Variants in MCC observed in about 807,000 individuals in gnomAD.
MCC encodes colorectal mutant cancer protein.
In MCC, 90 loss-of-function variants were observed where a neutral mutation model predicts 116.2. The ratio of observed to expected loss-of-function variants is 0.77; its 90% confidence interval spans 0.65 to 0.92. The LOEUF (loss-of-function observed/expected upper bound fraction) is 0.92. Among genes scored for constraint, MCC ranks in the 40% least tolerant of loss-of-function variants. The pLI is 0.00. For synonymous variants in MCC, 578 were observed against 510.5 expected, an observed-to-expected ratio of 1.13 and a Z score of -1.78; for missense variants, 1,516 against 1,312.2, an observed-to-expected ratio of 1.16 and a Z score of -2.40.
chr5:113,113,583 G>T (rs1207950578), intron 6 of MCC, among the ~76,000 whole-genome samples: 1 of 136,984 alleles, frequency 7.3e-6, no homozygotes, highest in Admixed American at 8.3e-5. Context: ...ACCTATAATG[G>T]ACAAACTGAC....
intron 8 of MCC, 125 bp downstream of exon 8, chr5:113,101,614 A>G (rs1561810909): frequency 5.7e-5 from 52 of 911,320 alleles, no homozygotes; most frequent in Non-Finnish European, 8.7e-5. Context: ...ATAACAGGAA[A>G]GAGACAGTGA....
intron 4 of MCC, among the ~76,000 whole-genome samples, chr5:113,146,999 T>C (rs1006218886): frequency 4.6e-5 from 7 of 152,204 alleles, no homozygotes; most frequent in African/African-American, 1.2e-4. Context: ...AACTACAGAC[T>C]TTCAGTTTGA....
rs147127694 is a variant in MCC at position 113,105,956 on chromosome 5, A to G, written c.1028-1601T>C. 1.4e-3 allele frequency among the ~76,000 whole-genome samples: 213 copies of G among 152,272 alleles called. 1 individual carries two copies. The highest frequency in any genetic ancestry group is 4.8e-3 in the African/African-American group (200 of 41,546). On this transcript the variant is annotated intron_variant, in intron 6 of 18. Transcript: ENST00000408903. Reference sequence around the variant, plus strand: ...TGTCCCTGGGGAGCTTTTATAAACTACGGATGCCCAGGCCCCACCCCAGAC... The same window carrying G: ...TGTCCCTGGGGAGCTTTTATAAACTGCGGATGCCCAGGCCCCACCCCAGAC...
At chr5:113,227,183 CATA>C (rs925282679) in intron 3 of MCC, among the ~76,000 whole-genome samples, 1 of 152,124 alleles carries the variant, frequency 6.6e-6, no homozygotes, top group African/African-American at 2.4e-5. Flanking sequence ...AAAAATTGCC[CATA>C]ATATTTCTCT....
At chr5:113,441,344 A>G (rs942151905) in intron 1 of MCC, among the ~76,000 whole-genome samples, 27 of 152,164 alleles carry the variant, frequency 1.8e-4, no homozygotes, top group Admixed American at 1.4e-3. Flanking sequence ...GTCTCAAAAC[A>G]AAACAAAACA....
intron 2 of MCC, among the ~76,000 whole-genome samples, chr5:113,376,911 C>T (rs1371574780): frequency 6.6e-6 from 1 of 152,070 alleles, no homozygotes; most frequent in Non-Finnish European, 1.5e-5. Context: ...AGATATATGA[C>T]CCAAGAAGAG....
intron 3 of MCC, among the ~76,000 whole-genome samples, chr5:113,188,151 A>G (rs961152544): frequency 6.6e-6 from 1 of 152,212 alleles, no homozygotes; most frequent in Non-Finnish European, 1.5e-5. Flanking sequence ...AACAACGAAT[A>G]TAGCCTATAT....
intron 18 of MCC, 65 bp from the exon 19 acceptor site, chr5:113,027,547 G>T (rs1750643996): frequency 7.0e-7 from 1 of 1,424,928 alleles, no homozygotes. Context: ...ACACCATCCT[G>T]TCCACTGGAT....
In MCC at chr5:113,024,835, T is replaced by G. The variant is rs1235661012; in HGVS notation, c.*2467A>C. On this transcript the variant is annotated 3_prime_UTR_variant, in exon 19 of 19. Transcript: ENST00000408903. ...CAAGGATTGTGTCTTGGGGAGTATT[T>G]GAAAAATACAAGAAAAGGAAAAACT... The G allele has an allele frequency of 6.6e-6, 1 of 152,198 alleles. No individual in the cohort carries two copies. The highest frequency in any genetic ancestry group is 2.4e-5 in the African/African-American group (1 of 41,444). 9.4% of individuals were successfully genotyped at this position (152,198 alleles called of 1,614,324 possible).
At chr5:113,299,292 C>CAAAAAAAAAAAAAAAAAAAAAAA (rs58372049) in intron 3 of MCC, among the ~76,000 whole-genome samples, 1 of 52,062 alleles carries the variant, frequency 1.9e-5, no homozygotes, top group Non-Finnish European at 3.9e-5. Context: ...GACTCCGTCT[C>CAAAAAAAAAAAAAAAAAAAAAAA]AAAAAAAAAA....
intron 2 of MCC, among the ~76,000 whole-genome samples, chr5:113,378,271 T>C (rs1329338728): frequency 6.6e-6 from 1 of 152,202 alleles, no homozygotes; most frequent in African/African-American, 2.4e-5. Context: ...TTTGAGTTCC[T>C]ATTAGAGAAA....
At chr5:113,332,444 T>A (rs1767721535) in intron 3 of MCC, among the ~76,000 whole-genome samples, 1 of 151,250 alleles carries the variant, frequency 6.6e-6, no homozygotes, top group Admixed American at 6.6e-5. Context: ...GGACAGTGAC[T>A]TACGCCTATA....
At chr5:113,227,166 G>C (rs1339762640) in intron 3 of MCC, among the ~76,000 whole-genome samples, 1 of 152,136 alleles carries the variant, frequency 6.6e-6, no homozygotes, top group East Asian at 1.9e-4. Context: ...AGCCTTAAAT[G>C]GTTAACAAAA....
chr5:113,313,744 A>C (rs1162668531), intron 3 of MCC, among the ~76,000 whole-genome samples: 1 of 152,142 alleles, frequency 6.6e-6, no homozygotes, highest in African/African-American at 2.4e-5. Context: ...TATTCTCTCA[A>C]AGCTCCCAGG....
intron 16 of MCC, among the ~76,000 whole-genome samples, chr5:113,044,947 C>A (rs1751974112): frequency 6.6e-6 from 1 of 152,192 alleles, no homozygotes; most frequent in South Asian, 2.1e-4. Context: ...GGCATGTGGT[C>A]TCCCGAGGCA....
At chr5:113,202,577 G>A (rs1372604989) in intron 3 of MCC, among the ~76,000 whole-genome samples, 1 of 152,012 alleles carries the variant, frequency 6.6e-6, no homozygotes, top group Non-Finnish European at 1.5e-5. Flanking sequence ...ATTTGCAGGG[G>A]ACACAAAAAC....
Position 113,434,543 on chromosome 5 carries a change from G to C in MCC, c.171-49331C>G. ...GGGCTCCCCGGGTTTTGATTAACTCGAGGAGGTCGCCCTGGACCGCGAGCT... is the reference window on the plus strand; with the variant it reads ...GGGCTCCCCGGGTTTTGATTAACTCCAGGAGGTCGCCCTGGACCGCGAGCT... On this transcript the variant is annotated intron_variant, in intron 1 of 18. Transcript: ENST00000408903. This position sits in a 1 kb window ranked among gnomAD's most constrained non-coding sequence, Gnocchi z 4.2. 1 of 1,613,146 alleles carries C rather than the reference G, an allele frequency of 6.2e-7. No individual in the cohort carries two copies.
intron 3 of MCC, among the ~76,000 whole-genome samples, chr5:113,231,792 T>C (rs189135591): frequency 2.0e-5 from 3 of 152,320 alleles, no homozygotes; most frequent in African/African-American, 4.8e-5. Context: ...GTTTTGCTGA[T>C]ATCCAGTGGG....
At chr5:113,103,106 T>C (rs1361917290) in intron 7 of MCC, among the ~76,000 whole-genome samples, 1 of 151,926 alleles carries the variant, frequency 6.6e-6, no homozygotes, top group Non-Finnish European at 1.5e-5. Flanking sequence ...AGAGCAAGAC[T>C]CCGTCTAAAA....
Sources: gnomAD v4.1 joint callset for allele counts (sites outside exome capture counted in the v4.1 genomes callset) on GRCh38, gnomAD v4.1.1 for gene constraint, Gnocchi (gnomAD v3.1) non-coding constraint, MANE v1.5 for transcripts, NCBI Gene and HGNC (gene_info 2026-07-23, HGNC 2026-07-21) for gene names.